The following KCNQ5 variants were observed in gnomAD, a reference collection of about 807,000 sequenced individuals.
KCNQ5 encodes the protein potassium voltage-gated channel subfamily Q member 5, also known as potassium voltage-gated channel subfamily KQT member 5.
A neutral mutation model predicts 98.2 loss-of-function variants in KCNQ5; 30 were observed. That is an observed-to-expected ratio of 0.31 (90% CI 0.23 to 0.41). The LOEUF is 0.41. Among genes scored for constraint, KCNQ5 ranks in the 10% least tolerant of loss-of-function variants. The pLI, the probability that KCNQ5 is intolerant of heterozygous loss-of-function variation, is 1.00. For synonymous variants in KCNQ5, 458 were observed against 449.4 expected, an observed-to-expected ratio of 1.02 and a Z score of -0.24; for missense variants, 835 against 1,182.5, an observed-to-expected ratio of 0.71 and a Z score of 4.31.
chr6:72,982,189 A>C (rs904684595), intron 1 of KCNQ5, among the ~76,000 whole-genome samples: 2 of 152,224 alleles, frequency 1.3e-5, no homozygotes, highest in Admixed American at 6.5e-5. Context: ...TGCAGAGCTG[A>C]GTTCAAGTCT....
At chr6:73,014,237 T>A (rs370749389) in intron 2 of KCNQ5, among the ~76,000 whole-genome samples, 13 of 152,150 alleles carry the variant, frequency 8.5e-5, no homozygotes, top group African/African-American at 3.1e-4. Flanking sequence ...TCCAGATTAA[T>A]TTTAAAGTAT....
chr6:72,859,469 A>G (rs940398031), intron 1 of KCNQ5, among the ~76,000 whole-genome samples: 2 of 151,988 alleles, frequency 1.3e-5, no homozygotes, highest in Admixed American at 6.6e-5. Flanking sequence ...ACTTTTTCCA[A>G]TATATGATTT....
intron 1 of KCNQ5, among the ~76,000 whole-genome samples, chr6:72,680,319 T>G (rs1466885806): frequency 6.6e-6 from 1 of 152,244 alleles, no homozygotes; most frequent in Non-Finnish European, 1.5e-5. Context: ...TTTCACTTAA[T>G]GTTTTCAAGG....
At chr6:73,115,497 T>G (rs1020836653) in intron 7 of KCNQ5, among the ~76,000 whole-genome samples, 2 of 152,092 alleles carry the variant, frequency 1.3e-5, no homozygotes, top group African/African-American at 4.8e-5. Flanking sequence ...CAGTAAAATA[T>G]CAGAAAACTT....
chr6:73,035,134 C>G lies in KCNQ5; in HGVS notation c.490-6802C>G, dbSNP rs938415210. On this transcript the variant is annotated intron_variant, in intron 2 of 13. Coordinates refer to ENST00000370398, the MANE Select transcript of KCNQ5 (RefSeq NM_019842.4). The stretch of plus-strand genomic sequence containing the variant: ...CGCTGGGATTACAGGTGTGAACCAC[C>G]GCGCCCGGCCACCACTGCCTCTTAG... 5.9e-5 allele frequency among the ~76,000 whole-genome samples: 9 copies of G among 151,990 alleles called. No individual in the cohort carries two copies. In the East Asian group the frequency reaches 1.6e-3, roughly 26 times the overall value.
intron 1 of KCNQ5, among the ~76,000 whole-genome samples, chr6:72,864,770 A>T (rs1022902975): frequency 3.3e-5 from 5 of 152,186 alleles, no homozygotes; most frequent in Non-Finnish European, 5.9e-5. Flanking sequence ...AAAACTCCAC[A>T]TAATTTGAAA....
chr6:73,077,498 G>T lies in KCNQ5; in HGVS notation c.792+1G>T. On this transcript the variant is annotated splice_donor_variant, in intron 4 of 13. Coordinates refer to ENST00000370398, the MANE Select transcript of KCNQ5 (RefSeq NM_019842.4). LOFTEE classifies it high-confidence loss of function. The stretch of plus-strand genomic sequence containing the variant: ...TTCAGTGGTTTATGCTCACAGCAAG[G>T]TAAGATTTGCTCTCTGAATTTAAAA... 6.2e-7 allele frequency: 1 copy of T among 1,609,020 alleles called. No homozygotes were observed.
chr6:72,987,730 T>G (rs1768863514), intron 1 of KCNQ5: 2 of 535,798 alleles, frequency 3.7e-6, no homozygotes, highest in Non-Finnish European at 6.8e-6. Context: ...CGCTTCCAAG[T>G]TAGCCAAGCT....
intron 1 of KCNQ5, among the ~76,000 whole-genome samples, chr6:72,784,528 A>T (rs889513552): frequency 1.1e-4 from 16 of 152,090 alleles, no homozygotes; most frequent in Admixed American, 5.2e-4. Context: ...TGAGGTCAGG[A>T]TTTATTTTCC....
At chr6:73,173,071 T>C (rs533103605) in intron 11 of KCNQ5, among the ~76,000 whole-genome samples, 65 of 152,340 alleles carry the variant, frequency 4.3e-4, no homozygotes, top group African/African-American at 1.5e-3. Flanking sequence ...ATAAATAATG[T>C]CACTGTTCAT....
intron 10 of KCNQ5, among the ~76,000 whole-genome samples, chr6:73,142,992 T>C (rs572284043): frequency 5.1e-4 from 77 of 152,336 alleles, no homozygotes; most frequent in African/African-American, 1.8e-3. Context: ...TCATAACTTC[T>C]AACGCAGCTC....
chr6:73,032,651 AT>A (rs1284466632), intron 2 of KCNQ5, among the ~76,000 whole-genome samples: 1 of 152,156 alleles, frequency 6.6e-6, no homozygotes, highest in Non-Finnish European at 1.5e-5. Flanking sequence ...ATTTGTGATT[AT>A]TTTACAAAAT....
intron 1 of KCNQ5, among the ~76,000 whole-genome samples, chr6:72,884,299 T>A (rs1208658951): frequency 6.6e-6 from 1 of 152,212 alleles, no homozygotes; most frequent in Non-Finnish European, 1.5e-5. Context: ...GCATTCATTG[T>A]TGGTTTTTAT....
chr6:72,799,760 T>C (rs75681424), intron 1 of KCNQ5, among the ~76,000 whole-genome samples: 1,817 of 152,260 alleles, frequency 0.012, 11 homozygotes, highest in Non-Finnish European at 0.021. Context: ...ATGAGAATTA[T>C]AACCAGCCTT....
chr6:73,030,690 C>T (rs545484189), intron 2 of KCNQ5, among the ~76,000 whole-genome samples: 1 of 152,262 alleles, frequency 6.6e-6, no homozygotes, highest in South Asian at 2.1e-4. Context: ...CCTGAGGAGG[C>T]AAGGAGATTT....
intron 5 of KCNQ5, among the ~76,000 whole-genome samples, chr6:73,100,106 A>G (rs775003539): frequency 1.3e-5 from 2 of 152,260 alleles, no homozygotes; most frequent in Non-Finnish European, 2.9e-5. Context: ...TGGGTCAATG[A>G]AGAGATTAAG....
intron 1 of KCNQ5, among the ~76,000 whole-genome samples, chr6:72,682,675 G>A (rs1466786701): frequency 1.3e-5 from 2 of 152,132 alleles, no homozygotes; most frequent in Admixed American, 1.3e-4. Context: ...AATCATGAAA[G>A]TAAGCTCTTT....
At chr6:72,706,286 G>T (rs1221850641) in intron 1 of KCNQ5, among the ~76,000 whole-genome samples, 1 of 151,662 alleles carries the variant, frequency 6.6e-6, no homozygotes, top group Non-Finnish European at 1.5e-5. Flanking sequence ...AAGTGGAAAG[G>T]ATGTTTTCTG....
At chr6:73,117,585 G>T (rs546829793) in intron 7 of KCNQ5, among the ~76,000 whole-genome samples, 3 of 152,090 alleles carry the variant, frequency 2.0e-5, no homozygotes, top group Non-Finnish European at 2.9e-5. Context: ...TTGTTCTGTT[G>T]TTTTGGATTT....
Sources: allele counts gnomAD v4.1 joint callset (sites outside exome capture counted in the v4.1 genomes callset), GRCh38; gene constraint gnomAD v4.1.1; transcripts MANE v1.5; gene names NCBI Gene and HGNC (gene_info 2026-07-23, HGNC 2026-07-21).